The following ADGRL2 variants were observed in gnomAD, a reference collection of about 807,000 sequenced individuals.
ADGRL2 encodes calcium-independent alpha-latrotoxin receptor 2.
Under a neutral mutation model 157.4 loss-of-function variants are expected in ADGRL2, and 44 were observed. That is an observed-to-expected ratio of 0.28 (90% CI 0.22 to 0.36). ADGRL2 has a LOEUF of 0.36. Among genes scored for constraint, ADGRL2 ranks in the 10% least tolerant of loss-of-function variants. The pLI is 1.00. For missense variants in ADGRL2, 1,510 were observed against 1,768.9 expected (o/e 0.85, Z 2.63); for synonymous variants, 585 against 624.7 (o/e 0.94, Z 0.95).
At chr1:81,377,889 C>T (rs151095755) in intron 1 of ADGRL2, among the ~76,000 whole-genome samples, 1 of 152,016 alleles carries the variant, frequency 6.6e-6, no homozygotes, top group Non-Finnish European at 1.5e-5. Flanking sequence ...ATATTGAATA[C>T]CACGGGTGGT....
intron 1 of ADGRL2, among the ~76,000 whole-genome samples, chr1:81,390,575 T>A (rs934598426): frequency 5.7e-4 from 87 of 151,742 alleles, no homozygotes; most frequent in Non-Finnish European, 1.1e-3. Context: ...ATGCCCTCCC[T>A]CCTATCATTT....
chr1:81,506,233 G>T (rs2078973323), intron 2 of ADGRL2: 1 of 152,530 alleles, frequency 6.6e-6, no homozygotes, highest in African/African-American at 2.4e-5. Context: ...TTGGAGGAAA[G>T]AGGTGGATTT....
At chr1:81,617,461 A>G (rs1418829508) in intron 3 of ADGRL2, among the ~76,000 whole-genome samples, 1 of 152,168 alleles carries the variant, frequency 6.6e-6, no homozygotes, top group Admixed American at 6.5e-5. Flanking sequence ...CCACTCACAT[A>G]CATCCTCCAC....
intron 2 of ADGRL2, among the ~76,000 whole-genome samples, chr1:81,781,209 G>T (rs908736082): frequency 6.6e-6 from 1 of 152,068 alleles, no homozygotes; most frequent in African/African-American, 2.4e-5. Context: ...ATTTACCAAG[G>T]TGAATAACAT....
chr1:81,398,422 C>G (rs537931001), intron 1 of ADGRL2, among the ~76,000 whole-genome samples: 31 of 152,084 alleles, frequency 2.0e-4, no homozygotes, highest in Admixed American at 2.6e-4. Context: ...TGGTGGTTTT[C>G]TGTAATGAAA....
In ADGRL2 at chr1:81,951,097, C is replaced by T. The variant is rs756213450; in HGVS notation, c.1584C>T (p.His528=). 2.5e-6 allele frequency: 4 copies of T among 1,612,974 alleles called. No individual in the cohort carries two copies. Among genetic ancestry groups the T allele is most frequent in the African/African-American group, 2.7e-5 (2 of 74,904 alleles). The change falls in exon 8 of 24, where the codon CAC becomes CAT. Residue 528 remains histidine (H), a synonymous_variant. Coordinates refer to ENST00000686636, the MANE Select transcript of ADGRL2 (RefSeq NM_001366006.2). ...CCGATCTTAGCAACTGTACCTCACA[C>T]TGGGTGAATCAGCTGGCTCAGAAGG... ...KGPDLSNCTS[H]WVNQLAQKIR...
chr1:81,404,842 G>C (rs543023870), intron 1 of ADGRL2, among the ~76,000 whole-genome samples: 2 of 151,986 alleles, frequency 1.3e-5, no homozygotes, highest in African/African-American at 2.4e-5. Flanking sequence ...CCACCTAAAA[G>C]ATATGTAGCA....
Position 81,353,565 on chromosome 1 carries a change from T to C in ADGRL2, c.-302+47056T>C, listed in dbSNP as rs199527830. Among the ~76,000 whole-genome samples, 7 of 151,868 alleles carry C rather than the reference T, an allele frequency of 4.6e-5. No individual in the cohort carries two copies. In the East Asian group the frequency reaches 1.4e-3, roughly 29 times the overall value. ...AACAAGGAATTTAGAAAAAGGAAAATAGATTGAAAGACAAATTTGTAATGA... is the reference window on the plus strand; with the variant it reads ...AACAAGGAATTTAGAAAAAGGAAAACAGATTGAAAGACAAATTTGTAATGA... On this transcript the variant is annotated intron_variant, in intron 1 of 24. Coordinates refer to the ADGRL2 transcript ENST00000370721.
chr1:81,740,393 T>C (rs17107063), intron 1 of ADGRL2, among the ~76,000 whole-genome samples: 4,527 of 152,290 alleles, frequency 0.03, 143 homozygotes, highest in Middle Eastern at 0.085. Flanking sequence ...ATGTCTGAAA[T>C]GACATCTTAT....
At chr1:81,480,204 C>G (rs2078356398) in intron 2 of ADGRL2, among the ~76,000 whole-genome samples, 1 of 152,150 alleles carries the variant, frequency 6.6e-6, no homozygotes, top group African/African-American at 2.4e-5. Context: ...GCATTATTAC[C>G]ATTTTCCTTG....
chr1:81,472,563 G>C (rs12726428), intron 2 of ADGRL2, among the ~76,000 whole-genome samples: 8 of 151,952 alleles, frequency 5.3e-5, no homozygotes, highest in East Asian at 1.9e-4. Flanking sequence ...CCAGGGAGGT[G>C]GGGGGAGGTT....
At chr1:81,662,028 A>C (rs1324963264) in intron 3 of ADGRL2, among the ~76,000 whole-genome samples, 1 of 152,092 alleles carries the variant, frequency 6.6e-6, no homozygotes, top group East Asian at 1.9e-4. Context: ...TTGTGGGTAC[A>C]TAGTAGAAGT....
chr1:81,504,981 T>C (rs1372312007), intron 2 of ADGRL2: 1 of 345,428 alleles, frequency 2.9e-6, no homozygotes, highest in Non-Finnish European at 5.5e-6. Context: ...AGCCCTGGAA[T>C]GTTCAGCAGA....
At chr1:81,375,378 C>A (rs1164855295) in intron 1 of ADGRL2, among the ~76,000 whole-genome samples, 1 of 152,080 alleles carries the variant, frequency 6.6e-6, no homozygotes, top group African/African-American at 2.4e-5. Flanking sequence ...CCGTGAAGTT[C>A]ATTGAAAGGT....
At chr1:81,621,846 G>T (rs1476552099) in intron 3 of ADGRL2, among the ~76,000 whole-genome samples, 1 of 138,560 alleles carries the variant, frequency 7.2e-6, no homozygotes, top group Non-Finnish European at 1.5e-5. Context: ...ACAAATGGAG[G>T]GGCAAAGTCA....
chr1:81,910,800 C>CA (rs575826677), intron 3 of ADGRL2, among the ~76,000 whole-genome samples: 1,701 of 151,296 alleles, frequency 0.011, 27 homozygotes, highest in South Asian at 0.06. Flanking sequence ...TTATATTTCT[C>CA]AAAAAATGTG....
intron 3 of ADGRL2, among the ~76,000 whole-genome samples, chr1:81,636,876 C>T (rs549848704): frequency 6.6e-6 from 1 of 152,258 alleles, no homozygotes; most frequent in South Asian, 2.1e-4. Flanking sequence ...CCCTCTGTCG[C>T]CCAGATGGGA....
upstream of ADGRL2, among the ~76,000 whole-genome samples, chr1:81,695,275 T>A (rs1347615528): frequency 1.3e-5 from 2 of 151,608 alleles, no homozygotes; most frequent in Non-Finnish European, 2.9e-5. Context: ...ATATTAAAAA[T>A]TATTTTTAAT....
At chr1:81,750,979 A>G (rs2085471810) in intron 1 of ADGRL2, among the ~76,000 whole-genome samples, 1 of 152,152 alleles carries the variant, frequency 6.6e-6, no homozygotes, top group East Asian at 1.9e-4. Flanking sequence ...ATTCTCATCT[A>G]AAAGAAATTA....
Sources: allele counts gnomAD v4.1 joint callset (sites outside exome capture counted in the v4.1 genomes callset), GRCh38; gene constraint gnomAD v4.1.1; transcripts MANE v1.5; gene names NCBI Gene and HGNC (gene_info 2026-07-23, HGNC 2026-07-21).